Variants in CTNNA2 observed in about 807,000 individuals in gnomAD.
CTNNA2 encodes the protein catenin alpha-2.
CTNNA2 carries 42 observed loss-of-function variants against 101.0 expected under a neutral mutation model. The observed-to-expected ratio is 0.42, with a 90% confidence interval of 0.32 to 0.54. The LOEUF (loss-of-function observed/expected upper bound fraction) is 0.54. Among genes scored for constraint, CTNNA2 ranks in the 20% least tolerant of loss-of-function variants. The probability of loss-of-function intolerance (pLI) is 0.14; values close to 1 mark genes in which losing one functional copy is unlikely to be tolerated. For synonymous variants in CTNNA2, 450 were observed against 456.4 expected (o/e 0.99, Z 0.18); for missense variants, 871 against 1,223.1 (o/e 0.71, Z 4.29).
At chr2:80,316,337 AT>A (rs1036108411) in intron 7 of CTNNA2, among the ~76,000 whole-genome samples, 1 of 152,186 alleles carries the variant, frequency 6.6e-6, no homozygotes, top group Non-Finnish European at 1.5e-5. Flanking sequence ...TATTAGAGCA[AT>A]TTTTAAAGAA....
At chr2:79,991,397 A>G (rs1303581433) in intron 7 of CTNNA2, among the ~76,000 whole-genome samples, 2 of 152,036 alleles carry the variant, frequency 1.3e-5, no homozygotes, top group Non-Finnish European at 2.9e-5. Flanking sequence ...TACTTCACAT[A>G]ATTTTTTGAT....
chr2:79,985,432 C>A (rs1359889188), intron 7 of CTNNA2, among the ~76,000 whole-genome samples: 2 of 151,894 alleles, frequency 1.3e-5, no homozygotes, highest in East Asian at 1.9e-4. Flanking sequence ...GTGCAAACTG[C>A]CTCTTCAGTG....
intron 4 of CTNNA2, among the ~76,000 whole-genome samples, chr2:79,422,957 A>G (rs1012064588): frequency 6.6e-6 from 1 of 152,146 alleles, no homozygotes; most frequent in East Asian, 1.9e-4. Context: ...GTTCTCATAG[A>G]CTTCCAAGGT....
At chr2:80,224,387 T>C (rs1379384816) in intron 7 of CTNNA2, among the ~76,000 whole-genome samples, 1 of 152,056 alleles carries the variant, frequency 6.6e-6, no homozygotes. Context: ...CTTTGCCAGG[T>C]TTTCATATCT....
At chr2:79,528,990 A>G (rs1672582136) in intron 1 of CTNNA2, among the ~76,000 whole-genome samples, 1 of 152,210 alleles carries the variant, frequency 6.6e-6, no homozygotes, top group Non-Finnish European at 1.5e-5. Context: ...GGTAGCAGTG[A>G]TGAAGGAGTG....
At chr2:80,168,982 G>A (rs1282588703) in intron 7 of CTNNA2, among the ~76,000 whole-genome samples, 1 of 152,126 alleles carries the variant, frequency 6.6e-6, no homozygotes, top group East Asian at 1.9e-4. Context: ...CGATTTAGAG[G>A]CCCCCACTTT....
At chr2:80,011,677 T>C (rs1162306809) in intron 7 of CTNNA2, among the ~76,000 whole-genome samples, 2 of 152,186 alleles carry the variant, frequency 1.3e-5, no homozygotes, top group African/African-American at 4.8e-5. Flanking sequence ...AAATTATTGG[T>C]TTTCATCAAG....
intron 2 of CTNNA2, among the ~76,000 whole-genome samples, chr2:79,237,478 G>C (rs535127087): frequency 6.6e-6 from 1 of 152,164 alleles, no homozygotes; most frequent in African/African-American, 2.4e-5. Flanking sequence ...AAATTCACTA[G>C]CTGCATTAGC....
At chr2:79,961,403 T>G (rs567649771) in intron 7 of CTNNA2, among the ~76,000 whole-genome samples, 81 of 152,118 alleles carry the variant, frequency 5.3e-4, no homozygotes, top group Non-Finnish European at 1.0e-3. Flanking sequence ...GCCTCATCAG[T>G]CAAGTACAAT....
At chr2:80,326,956 T>C (rs1207748239) in intron 7 of CTNNA2, among the ~76,000 whole-genome samples, 6 of 152,208 alleles carry the variant, frequency 3.9e-5, no homozygotes, top group Non-Finnish European at 7.3e-5. Flanking sequence ...TTATTTGCTT[T>C]TTAGAAACCT....
chr2:80,581,250 G>C (rs7579517), intron 13 of CTNNA2, among the ~76,000 whole-genome samples: 56,107 of 151,940 alleles, frequency 0.37, 10,550 homozygotes, highest in East Asian at 0.57. Flanking sequence ...GCTTATAACC[G>C]TTATACCTTA....
chr2:79,515,200 A>C (rs1348782465), intron 1 of CTNNA2, among the ~76,000 whole-genome samples: 4 of 152,228 alleles, frequency 2.6e-5, no homozygotes, highest in African/African-American at 9.6e-5. Context: ...TGCAGATTGC[A>C]GTCAACCCTG....
rs572163709 is a variant in CTNNA2 at position 80,105,203 on chromosome 2, A to T, written c.1056+195406A>T. On this transcript the variant is annotated intron_variant, in intron 7 of 18. Coordinates refer to ENST00000402739, the MANE Select transcript of CTNNA2 (RefSeq NM_001282597.3). ...AGAATGATTGATCATGTTGAATCTAACACATGTGTAGAGAGTGAGTCATCG... is the reference window on the plus strand; with the variant it reads ...AGAATGATTGATCATGTTGAATCTATCACATGTGTAGAGAGTGAGTCATCG... 2.5e-4 allele frequency among the ~76,000 whole-genome samples: 38 copies of T among 152,278 alleles called. 1 individual carries two copies. The highest frequency in any genetic ancestry group is 3.4e-3 in the Middle Eastern group (1 of 294).
chr2:80,083,444 A>G (rs1459684055), intron 7 of CTNNA2, among the ~76,000 whole-genome samples: 3 of 152,144 alleles, frequency 2.0e-5, no homozygotes, highest in Non-Finnish European at 2.9e-5. Context: ...AGTTAGAACC[A>G]TTAAAGTTTC....
At chr2:80,305,772 C>G (rs1295447342) in intron 7 of CTNNA2, among the ~76,000 whole-genome samples, 1 of 152,106 alleles carries the variant, frequency 6.6e-6, no homozygotes, top group South Asian at 2.1e-4. Context: ...AGTTGGTCAT[C>G]TGTTTAAACA....
chr2:80,478,965 A>G (rs1685936126), intron 9 of CTNNA2, among the ~76,000 whole-genome samples: 1 of 151,600 alleles, frequency 6.6e-6, no homozygotes, highest in South Asian at 2.1e-4. Flanking sequence ...TGCTTTGGGC[A>G]GTATGGCCAT....
chr2:80,264,075 A>T (rs567785548), intron 7 of CTNNA2, among the ~76,000 whole-genome samples: 1 of 152,320 alleles, frequency 6.6e-6, no homozygotes, highest in Non-Finnish European at 1.5e-5. Context: ...ATTTGCACTT[A>T]ACCATAAATA....
At chr2:80,050,341 T>A (rs1030425004) in intron 7 of CTNNA2, among the ~76,000 whole-genome samples, 1 of 152,178 alleles carries the variant, frequency 6.6e-6, no homozygotes. Flanking sequence ...AGTCAGCGTG[T>A]TCCTTCCTTT....
chr2:80,211,747 C>G (rs990193527), intron 7 of CTNNA2, among the ~76,000 whole-genome samples: 3 of 152,118 alleles, frequency 2.0e-5, no homozygotes, highest in South Asian at 2.1e-4. Flanking sequence ...TTTTCCAATT[C>G]TGTGAAGAAA....
Sources: allele counts gnomAD v4.1 joint callset (sites outside exome capture counted in the v4.1 genomes callset), GRCh38; gene constraint gnomAD v4.1.1; transcripts MANE v1.5; gene names NCBI Gene and HGNC (gene_info 2026-07-23, HGNC 2026-07-21).